Variants in RBMS1 observed in about 807,000 individuals in gnomAD.
RBMS1 encodes RNA binding motif single stranded interacting protein 1, also known as RNA-binding motif, single-stranded-interacting protein 1.
RBMS1 carries 17 observed loss-of-function variants against 62.3 expected under a neutral mutation model. That is an observed-to-expected ratio of 0.27 (90% confidence interval 0.19 to 0.41). The LOEUF (loss-of-function observed/expected upper bound fraction) is 0.41, where lower values mean the gene tolerates loss of function less well. Among genes scored for constraint, RBMS1 ranks in the 10% least tolerant of loss-of-function variants. RBMS1 has a pLI of 1.00. For synonymous variants in RBMS1, 172 were observed against 170.0 expected, an observed-to-expected ratio of 1.01 and a Z score of -0.09; for missense variants, 334 against 504.5, an observed-to-expected ratio of 0.66 and a Z score of 3.24.
intron 1 of RBMS1, among the ~76,000 whole-genome samples, chr2:160,479,192 C>T (rs1040695879): frequency 6.6e-6 from 1 of 152,210 alleles, no homozygotes; most frequent in Non-Finnish European, 1.5e-5. Flanking sequence ...TTTGGCCCCA[C>T]AGCCATAACA....
chr2:160,410,258 C>A (rs1695974041), intron 1 of RBMS1, among the ~76,000 whole-genome samples: 2 of 146,544 alleles, frequency 1.4e-5, no homozygotes, highest in Admixed American at 1.4e-4. Flanking sequence ...TTAAAAGACT[C>A]TAAGACTAGA....
intron 1 of RBMS1, among the ~76,000 whole-genome samples, chr2:160,435,947 A>G (rs1465709643): frequency 1.3e-5 from 2 of 152,238 alleles, no homozygotes; most frequent in African/African-American, 4.8e-5. Flanking sequence ...AGTTTTGATA[A>G]GCATTACAGG....
chr2:160,466,815 A>C (rs1684716227), intron 1 of RBMS1, among the ~76,000 whole-genome samples: 1 of 152,194 alleles, frequency 6.6e-6, no homozygotes, highest in Non-Finnish European at 1.5e-5. Context: ...AGTGACTTTG[A>C]AGTGTGACGG....
intron 2 of RBMS1, among the ~76,000 whole-genome samples, chr2:160,358,374 C>T (rs560139520): frequency 2.0e-5 from 3 of 152,224 alleles, no homozygotes; most frequent in African/African-American, 4.8e-5. Flanking sequence ...AACTGCACAT[C>T]GTATAGATCA....
At chr2:160,286,941 C>T (rs533041914) in intron 7 of RBMS1, 28 bp downstream of exon 7, 2 of 1,606,726 alleles carry the variant, frequency 1.2e-6, no homozygotes, top group South Asian at 2.2e-5. Flanking sequence ...CCCTCCCCCA[C>T]CCCGCAAAGT....
At position 160,285,144 on chromosome 2, in the gene RBMS1, C is replaced by G. The variant is rs1302548739; in HGVS notation, c.757-100G>C. On this transcript the variant is annotated intron_variant, in intron 7 of 13. Transcript: ENST00000348849. ...TGGTGGTGTGCACCTGTAGTCCCAG[C>G]TGCTGGGGAGGCTGAGGTGGGAAGA... The G allele has an allele frequency of 3.4e-6, 4 of 1,171,452 alleles. No individual in the cohort carries two copies. The African/African-American group carries it at 4.5e-5, about 13-fold the overall frequency. The allele number at this position is 1,171,452 out of a possible 1,614,324, so 72.6% of individuals were successfully genotyped here.
At chr2:160,341,330 AC>A (rs1273297144) in intron 2 of RBMS1, among the ~76,000 whole-genome samples, 1 of 152,102 alleles carries the variant, frequency 6.6e-6, no homozygotes, top group African/African-American at 2.4e-5. Context: ...CCCTTTTACT[AC>A]CATCTTCAGT....
At chr2:160,308,034 A>AT (rs1689633978) in intron 4 of RBMS1, among the ~76,000 whole-genome samples, 1 of 152,146 alleles carries the variant, frequency 6.6e-6, no homozygotes, top group Non-Finnish European at 1.5e-5. Context: ...AATTTTCCTG[A>AT]TTAGTTCATT....
At chr2:160,453,124 T>C (rs1684063782) in intron 1 of RBMS1, among the ~76,000 whole-genome samples, 1 of 152,046 alleles carries the variant, frequency 6.6e-6, no homozygotes, top group African/African-American at 2.4e-5. Context: ...ATGCTTATTA[T>C]TACTATTACT....
At chr2:160,285,707 A>G (rs1473216268) in intron 7 of RBMS1, among the ~76,000 whole-genome samples, 2 of 151,874 alleles carry the variant, frequency 1.3e-5, no homozygotes, top group Admixed American at 6.6e-5. Flanking sequence ...CTATTTATAT[A>G]TAAATATTTA....
intron 1 of RBMS1, among the ~76,000 whole-genome samples, chr2:160,476,615 C>A (rs4664016): frequency 1.4e-5 from 2 of 138,270 alleles, no homozygotes; most frequent in African/African-American, 5.5e-5. Context: ...AGTGCAGTGG[C>A]GGGATCTCGG....
In RBMS1 at chr2:160,483,653, T is replaced by C. The variant is rs187954387; in HGVS notation, c.75+9636A>G. 8.5e-3 allele frequency among the ~76,000 whole-genome samples: 1,300 copies of C among 152,312 alleles called. 7 individuals carry two copies. The highest frequency in any genetic ancestry group is 0.017 in the Middle Eastern group (5 of 294). On this transcript the variant is annotated intron_variant, in intron 1 of 13. Transcript: ENST00000348849. ...CGGCAGATGGAGTGGGAGTAGCTTA[T>C]ACGATGGTCACACTGGTGCATCTAC...
intron 1 of RBMS1, among the ~76,000 whole-genome samples, chr2:160,427,521 A>G (rs1241581068): frequency 1.3e-5 from 2 of 151,640 alleles, no homozygotes. Context: ...ATCTATATTT[A>G]TGTCTATCTG....
At chr2:160,331,769 G>A (rs1424162977) in intron 2 of RBMS1, among the ~76,000 whole-genome samples, 2 of 152,112 alleles carry the variant, frequency 1.3e-5, no homozygotes, top group Admixed American at 1.3e-4. Context: ...AGTTCTTACC[G>A]ATGCTTACCT....
chr2:160,319,082 T>A (rs780350808), intron 2 of RBMS1, among the ~76,000 whole-genome samples: 3 of 152,158 alleles, frequency 2.0e-5, no homozygotes, highest in Non-Finnish European at 4.4e-5. Flanking sequence ...AGCGACAGTA[T>A]AATGTAAATA....
intron 2 of RBMS1, among the ~76,000 whole-genome samples, chr2:160,333,107 T>C (rs1691371619): frequency 6.6e-6 from 1 of 151,986 alleles, no homozygotes; most frequent in Admixed American, 6.6e-5. Context: ...TTTGCAGACC[T>C]CACCCCAGAG....
Position 160,493,545 on chromosome 2 carries a change from C to CTCCTCCTCCTCCTCT in RBMS1, c.-183_-182insAGAGGAGGAGGAGGA, listed in dbSNP as rs1685962291. On this transcript the variant is annotated 5_prime_UTR_variant, in exon 1 of 14. Transcript: ENST00000348849. ...CGTCCTCCTCCTCCTCCTCCTCTTC[C>CTCCTCCTCCTCCTCT]TCCTCCTCCTCCTCCTCCTCCTCCT... The CTCCTCCTCCTCCTCT allele has an allele frequency of 5.3e-6, 2 of 376,008 alleles. No homozygotes were observed. Among genetic ancestry groups the CTCCTCCTCCTCCTCT allele is most frequent in the African/African-American group, 2.4e-5 (1 of 41,270 alleles). 23.3% of individuals were successfully genotyped at this position (376,008 alleles called of 1,614,324 possible).
chr2:160,484,866 G>A (rs1685531541), intron 1 of RBMS1, among the ~76,000 whole-genome samples: 1 of 70,678 alleles, frequency 1.4e-5, no homozygotes, highest in Admixed American at 1.8e-4. Context: ...GCAAGACTCC[G>A]TCTCAAAAAA....
rs1687794510 is a variant in RBMS1, at chr2:160,275,617, C to T, written c.*7+13G>A. On this transcript the variant is annotated intron_variant, in intron 13 of 13. Transcript: ENST00000348849. ...ATTTGAGCCCCCCAGTTATGAAGAC[C>T]TTTCCCTCATACCTCACAGTTACTT... 2 of 1,611,982 alleles carry T rather than the reference C, an allele frequency of 1.2e-6. No individual in the cohort carries two copies.
Sources: gnomAD v4.1 joint callset for allele counts (sites outside exome capture counted in the v4.1 genomes callset) on GRCh38, gnomAD v4.1.1 for gene constraint, MANE v1.5 for transcripts, NCBI Gene and HGNC (gene_info 2026-07-23, HGNC 2026-07-21) for gene names.